RALYL: variants seen among roughly 807,000 people sequenced by gnomAD.
The protein encoded by RALYL is RNA-binding Raly-like protein.
RALYL carries 29 observed loss-of-function variants against 35.1 expected under a neutral mutation model. The ratio of observed to expected loss-of-function variants is 0.83; its 90% CI spans 0.61 to 1.13. RALYL has a LOEUF of 1.13. RALYL is among the 50% of genes most tolerant of loss of function. The pLI is 0.00. For missense variants in RALYL, 359 were observed against 360.4 expected (o/e 1.00, Z 0.03); for synonymous variants, 120 against 127.6 (o/e 0.94, Z 0.40).
intron 2 of RALYL, among the ~76,000 whole-genome samples, chr8:84,686,479 A>C (rs1836816560): frequency 6.6e-6 from 1 of 152,124 alleles, no homozygotes; most frequent in Non-Finnish European, 1.5e-5. Flanking sequence ...ATCTCAGTTC[A>C]CTGCAACCTC....
At chr8:84,727,420 T>C (rs987788353) in intron 2 of RALYL, among the ~76,000 whole-genome samples, 1 of 152,096 alleles carries the variant, frequency 6.6e-6, no homozygotes, top group South Asian at 2.1e-4. Context: ...AAATCTTTCT[T>C]ATTCCAGAGG....
chr8:84,467,282 T>G (rs1332497260), intron 1 of RALYL, among the ~76,000 whole-genome samples: 6 of 152,060 alleles, frequency 3.9e-5, no homozygotes, highest in African/African-American at 1.2e-4. Flanking sequence ...GGGCATTTAG[T>G]GCTATAAATT....
At chr8:84,342,979 T>C (rs1849142648) in intron 1 of RALYL, among the ~76,000 whole-genome samples, 1 of 152,102 alleles carries the variant, frequency 6.6e-6, no homozygotes, top group Non-Finnish European at 1.5e-5. Context: ...CAAAGTAATA[T>C]GATACTTAGA....
chr8:84,570,824 T>C (rs1807782781), intron 2 of RALYL, among the ~76,000 whole-genome samples: 1 of 151,986 alleles, frequency 6.6e-6, no homozygotes, highest in Admixed American at 6.6e-5. Flanking sequence ...GGATGCTTCT[T>C]CTGCATCTAT....
chr8:84,620,098 C>T (rs1281353104), intron 2 of RALYL, among the ~76,000 whole-genome samples: 1 of 151,956 alleles, frequency 6.6e-6, no homozygotes, highest in East Asian at 1.9e-4. Flanking sequence ...CGAGGAGTAT[C>T]TTTGTGGCAT....
At chr8:84,211,748 A>G (rs960420913) in intron 1 of RALYL, among the ~76,000 whole-genome samples, 7 of 152,124 alleles carry the variant, frequency 4.6e-5, no homozygotes, top group African/African-American at 9.7e-5. Flanking sequence ...AGCTGTGTAT[A>G]AATGTTTGCA....
intron 2 of RALYL, among the ~76,000 whole-genome samples, chr8:84,588,945 T>G (rs2130463939): frequency 6.6e-6 from 1 of 152,144 alleles, no homozygotes; most frequent in Admixed American, 6.6e-5. Context: ...GTTGCCCAGG[T>G]GGAGTGCAAT....
intron 4 of RALYL, among the ~76,000 whole-genome samples, chr8:84,810,753 TC>T (rs1364102605): frequency 6.6e-6 from 1 of 152,210 alleles, no homozygotes; most frequent in Non-Finnish European, 1.5e-5. Context: ...CCTCTTTGTC[TC>T]TTTTAACTGC....
intron 1 of RALYL, among the ~76,000 whole-genome samples, chr8:84,382,360 A>G (rs1039924726): frequency 6.6e-6 from 1 of 151,720 alleles, no homozygotes; most frequent in Non-Finnish European, 1.5e-5. Flanking sequence ...ATAAATGTTC[A>G]TCTTGCAAAA....
Position 84,703,054 on chromosome 8 carries a change from T to C in RALYL, c.257-71525T>C, listed in dbSNP as rs138091983. Among the ~76,000 whole-genome samples, 544 of 152,232 alleles carry C rather than the reference T, an allele frequency of 3.6e-3. 6 individuals are homozygous for C. Among genetic ancestry groups the C allele is most frequent in the African/African-American group, 0.013 (522 of 41,544 alleles). ...CTTCTCTCTCTGTCCCTTATGTCTA[T>C]ATTTTTTCTTCCTACTTTTCGGAAT... is the stretch of plus-strand genomic sequence containing the variant. On this transcript the variant is annotated intron_variant, in intron 2 of 8. Transcript: ENST00000521268.
chr8:84,863,009 G>A lies in RALYL; in HGVS notation c.571+556G>A, dbSNP rs144886171. 2.2e-4 allele frequency among the ~76,000 whole-genome samples: 33 copies of A among 152,238 alleles called. No homozygotes were observed. In the East Asian group the frequency reaches 6.2e-3, roughly 28 times the overall value. On this transcript the variant is annotated intron_variant, in intron 6 of 8. Coordinates refer to ENST00000521268, the MANE Select transcript of RALYL (RefSeq NM_173848.7). ...GTTTCACATTAATTAGTAAAAAGCA[G>A]CGATACAAACTTTCCAACTAAACAC... is the stretch of plus-strand genomic sequence containing the variant.
intron 1 of RALYL, among the ~76,000 whole-genome samples, chr8:84,501,279 A>G (rs1478408993): frequency 1.3e-5 from 2 of 152,170 alleles, no homozygotes; most frequent in African/African-American, 4.8e-5. Context: ...AACATTTAAA[A>G]AGACATATTG....
intron 1 of RALYL, among the ~76,000 whole-genome samples, chr8:84,519,344 C>T (rs2058293062): frequency 6.6e-6 from 1 of 152,188 alleles, no homozygotes; most frequent in African/African-American, 2.4e-5. Flanking sequence ...CATCCTCTCT[C>T]TTAATATGAA....
At chr8:84,262,676 C>A (rs1329854928) in intron 1 of RALYL, among the ~76,000 whole-genome samples, 1 of 152,056 alleles carries the variant, frequency 6.6e-6, no homozygotes, top group Non-Finnish European at 1.5e-5. Context: ...ATAGAATATT[C>A]TGCAACTAGA....
intron 2 of RALYL, among the ~76,000 whole-genome samples, chr8:84,622,736 C>T (rs1166151314): frequency 6.6e-6 from 1 of 151,996 alleles, no homozygotes; most frequent in Non-Finnish European, 1.5e-5. Context: ...ATCATAAAGT[C>T]CTGTGGATTA....
At chr8:84,842,374 C>A (rs1009475547) in intron 4 of RALYL, among the ~76,000 whole-genome samples, 1 of 151,376 alleles carries the variant, frequency 6.6e-6, no homozygotes, top group African/African-American at 2.4e-5. Flanking sequence ...CTAGAAGAAA[C>A]GGATAAATTC....
chr8:84,530,181 A>G (rs1237434914), intron 2 of RALYL, among the ~76,000 whole-genome samples: 1 of 152,158 alleles, frequency 6.6e-6, no homozygotes, highest in Non-Finnish European at 1.5e-5. Flanking sequence ...GCAGTCTGAA[A>G]TAAAAAGACT....
At chr8:84,708,110 G>A (rs1362754107) in intron 2 of RALYL, among the ~76,000 whole-genome samples, 2 of 152,002 alleles carry the variant, frequency 1.3e-5, no homozygotes, top group African/African-American at 4.8e-5. Context: ...ATTATCCAAA[G>A]ATTTAATATG....
intron 2 of RALYL, among the ~76,000 whole-genome samples, chr8:84,590,970 T>G (rs1191131746): frequency 6.6e-6 from 1 of 152,164 alleles, no homozygotes; most frequent in Non-Finnish European, 1.5e-5. Flanking sequence ...TTTATAGATG[T>G]TTTTCTATAT....
Sources: allele counts gnomAD v4.1 joint callset (sites outside exome capture counted in the v4.1 genomes callset), GRCh38; gene constraint gnomAD v4.1.1; transcripts MANE v1.5; gene names NCBI Gene and HGNC (gene_info 2026-07-23, HGNC 2026-07-21).